Variants in MEGF10 observed in about 807,000 individuals in gnomAD.
MEGF10 encodes multiple EGF like domains 10.
A neutral mutation model predicts 147.5 loss-of-function variants in MEGF10; 86 were observed. That is an observed-to-expected ratio of 0.58 (90% CI 0.49 to 0.70). The LOEUF (loss-of-function observed/expected upper bound fraction) is 0.70, where lower values mean the gene tolerates loss of function less well. Among genes scored for constraint, MEGF10 ranks in the 30% least tolerant of loss-of-function variants. The pLI is 0.00. For synonymous variants in MEGF10, 478 were observed against 525.5 expected (o/e 0.91, Z 1.24); for missense variants, 1,329 against 1,487.3 (o/e 0.89, Z 1.75).
intron 1 of MEGF10, among the ~76,000 whole-genome samples, chr5:127,306,852 G>T (rs746551239): frequency 2.6e-5 from 4 of 152,150 alleles, no homozygotes; most frequent in East Asian, 3.8e-4. Context: ...GCTGGGTTGT[G>T]GGGGGTGGTG....
the MEGF10 span, among the ~76,000 whole-genome samples, chr5:127,267,886 AT>A: frequency 1.5e-4 from 23 of 152,100 alleles, 1 homozygote; most frequent in East Asian, 4.4e-3. Flanking sequence ...GGATTCATTG[AT>A]TTTTTGAAGG....
intron 22 of MEGF10, among the ~76,000 whole-genome samples, 162 bp downstream of exon 22, chr5:127,449,384 A>G (rs544548750): frequency 6.6e-6 from 1 of 152,316 alleles, no homozygotes; most frequent in Admixed American, 6.5e-5. Flanking sequence ...CTACTGTCCT[A>G]AGGGCTTTAT....
Position 127,447,623 on chromosome 5 carries a change from C to T in MEGF10, c.2795C>T (p.Thr932Met), listed in dbSNP as rs775983100. ...SHYFTNPSYHTLTQCATSPHV... is the reference protein window; with the variant it reads ...SHYFTNPSYHMLTQCATSPHV... ...TACTTCACCAATCCCAGTTACCACA[C>T]GCTCACCCAGTGTGCCACATCCCCT... Residue 932 changes from threonine to methionine, a missense_variant, in exon 21 of 25, where the codon ACG becomes ATG. Coordinates refer to ENST00000503335, the MANE Select transcript of MEGF10 (RefSeq NM_001256545.2). 60 of 1,614,024 alleles carry T rather than the reference C, an allele frequency of 3.7e-5. No homozygotes were observed. Among genetic ancestry groups the T allele is most frequent in the Middle Eastern group, 3.3e-4 (2 of 6,084 alleles).
intron 4 of MEGF10, among the ~76,000 whole-genome samples, chr5:127,356,220 G>T (rs540141979): frequency 6.6e-6 from 1 of 152,186 alleles, no homozygotes; most frequent in Admixed American, 6.5e-5. Flanking sequence ...GCCGGCCAGC[G>T]CTTTTACAGA....
the MEGF10 span, among the ~76,000 whole-genome samples, chr5:127,247,364 A>AGAG: frequency 8.1e-4 from 3 of 3,720 alleles, 1 homozygote; most frequent in South Asian, 0.019. Context: ...AAGAAGAAGA[A>AGAG]GAAGAAGAAG....
At chr5:127,390,079 G>A (rs564685448) in intron 5 of MEGF10, among the ~76,000 whole-genome samples, 67 of 152,202 alleles carry the variant, frequency 4.4e-4, no homozygotes, top group African/African-American at 1.6e-3. Context: ...TAAACCAAAT[G>A]AATAAAAGAA....
chr5:127,388,557 A>C (rs932967998), intron 5 of MEGF10, among the ~76,000 whole-genome samples: 20 of 99,898 alleles, frequency 2.0e-4, no homozygotes, highest in African/African-American at 6.0e-4. Context: ...TTATTTATTT[A>C]TTTTTTGAGG....
intron 1 of MEGF10, among the ~76,000 whole-genome samples, chr5:127,321,874 A>C (rs1273022685): frequency 2.6e-5 from 4 of 152,086 alleles, no homozygotes; most frequent in Non-Finnish European, 4.4e-5. Context: ...GAAGATTCTG[A>C]TGATGCTCAA....
chr5:127,351,480 C>T (rs1022376283), intron 4 of MEGF10, among the ~76,000 whole-genome samples: 3 of 152,032 alleles, frequency 2.0e-5, no homozygotes, highest in Non-Finnish European at 4.4e-5. Context: ...GTTAGGCACA[C>T]GTAGTTTTGC....
chr5:127,392,026 C>T (rs139196320), intron 5 of MEGF10, among the ~76,000 whole-genome samples: 1 of 152,170 alleles, frequency 6.6e-6, no homozygotes, highest in African/African-American at 2.4e-5. Flanking sequence ...GAAAAATTAT[C>T]ATCTGAGTTC....
chr5:127,406,171 C>A (rs761939640), intron 8 of MEGF10, among the ~76,000 whole-genome samples: 3 of 151,998 alleles, frequency 2.0e-5, no homozygotes, highest in Non-Finnish European at 4.4e-5. Flanking sequence ...AGAGGTAGCA[C>A]AAGAACAATA....
the MEGF10 span, among the ~76,000 whole-genome samples, chr5:127,256,533 C>T: frequency 1.3e-5 from 2 of 152,142 alleles, no homozygotes; most frequent in Admixed American, 1.3e-4. Context: ...CACAATCCTG[C>T]TCCATGGTCA....
At chr5:127,415,796 G>A (rs1176169543) in intron 9 of MEGF10, among the ~76,000 whole-genome samples, 2 of 151,186 alleles carry the variant, frequency 1.3e-5, no homozygotes, top group Middle Eastern at 3.2e-3. Context: ...CCAGCTACTC[G>A]GGAGGCTGAG....
At chr5:127,353,852 T>A (rs1051620733) in intron 4 of MEGF10, among the ~76,000 whole-genome samples, 1 of 152,198 alleles carries the variant, frequency 6.6e-6, no homozygotes, top group African/African-American at 2.4e-5. Flanking sequence ...GGGAAGAGGT[T>A]TGGGGACTGG....
chr5:127,308,688 G>A (rs929011928), intron 1 of MEGF10, among the ~76,000 whole-genome samples: 10 of 147,428 alleles, frequency 6.8e-5, no homozygotes, highest in Admixed American at 2.8e-4. Context: ...ACAGGAAGGG[G>A]AACATCACAC....
intron 1 of MEGF10, among the ~76,000 whole-genome samples, chr5:127,306,816 C>T (rs945949359): frequency 5.9e-5 from 9 of 152,168 alleles, no homozygotes; most frequent in Non-Finnish European, 1.2e-4. Context: ...TGACTCAGTT[C>T]AAGTTTTATC....
At chr5:127,441,287 G>A (rs1416403475) in intron 18 of MEGF10, among the ~76,000 whole-genome samples, 1 of 152,214 alleles carries the variant, frequency 6.6e-6, no homozygotes, top group Non-Finnish European at 1.5e-5. Context: ...GCCAATCCCT[G>A]TTGCTGGTGA....
intron 1 of MEGF10, among the ~76,000 whole-genome samples, chr5:127,304,181 G>A (rs190553151): frequency 3.3e-5 from 5 of 152,314 alleles, no homozygotes; most frequent in Admixed American, 1.3e-4. Context: ...CAGGCAAGCT[G>A]CAAAATTCTT....
In MEGF10 at chr5:127,402,570, C is replaced by A; in HGVS notation, c.805C>A (p.Pro269Thr). The A allele has an allele frequency of 6.2e-7, 1 of 1,613,920 alleles. No homozygotes were observed. The highest frequency in any genetic ancestry group is 8.5e-7 in the Non-Finnish European group (1 of 1,179,936). ...GGGCACAGTGTGTGGTCAGCCTTGC[C>A]CCGAGGGTCGCTTTGGAAAGAACTG... ...WMGTVCGQPCPEGRFGKNCSQ... is the reference protein window; with the variant it reads ...WMGTVCGQPCTEGRFGKNCSQ... The change falls in exon 8 of 25, where the codon CCC (proline) becomes ACC (threonine). Residue 269 changes from proline to threonine, a missense_variant. Transcript: ENST00000503335.
Sources: allele counts gnomAD v4.1 joint callset (sites outside exome capture counted in the v4.1 genomes callset), GRCh38; gene constraint gnomAD v4.1.1; transcripts MANE v1.5; gene names NCBI Gene and HGNC (gene_info 2026-07-23, HGNC 2026-07-21).